The following VSTM5 variants were observed in gnomAD, a reference collection of about 807,000 sequenced individuals.
VSTM5 encodes V-set and transmembrane domain containing 5.
In VSTM5, 21 loss-of-function variants were observed where a neutral mutation model predicts 20.3. The ratio of observed to expected loss-of-function variants is 1.03; its 90% confidence interval spans 0.73 to 1.49. The LOEUF (loss-of-function observed/expected upper bound fraction) is 1.49. Ranked by LOEUF, VSTM5 falls within the 40% of genes most tolerant of loss-of-function variation. The probability of loss-of-function intolerance (pLI) is 0.00; values close to 1 mark genes in which losing one functional copy is unlikely to be tolerated. For missense variants in VSTM5, 219 were observed against 250.0 expected (o/e 0.88, Z 0.84); for synonymous variants, 100 against 102.5 (o/e 0.98, Z 0.14).
intron 1 of VSTM5, among the ~76,000 whole-genome samples, chr11:93,837,598 ACT>A (rs573834503): frequency 2.3e-4 from 35 of 151,860 alleles, no homozygotes; most frequent in African/African-American, 8.0e-4. Context: ...AAAGTCACTG[ACT>A]CTCTGTTCCT....
rs563809721 is a variant in VSTM5, at chr11:93,822,373, C to T, written c.92-1050G>A. The stretch of plus-strand genomic sequence containing the variant: ...CTGGGATTACAGGCATGAGCCAGTG[C>T]ACCCAGCCATCTCCTTTTTTTTTTT... On this transcript the variant is annotated intron_variant, in intron 1 of 3. Transcript: ENST00000409977. Among the ~76,000 whole-genome samples, 224 of 151,564 alleles carry T rather than the reference C, an allele frequency of 1.5e-3. 3 individuals are homozygous for T. The highest frequency in any genetic ancestry group is 4.6e-3 in the African/African-American group (189 of 41,282).
chr11:93,840,562 T>A (rs1011591612), intron 1 of VSTM5, among the ~76,000 whole-genome samples: 1 of 152,230 alleles, frequency 6.6e-6, no homozygotes, highest in African/African-American at 2.4e-5. Context: ...ATGGACTATT[T>A]CTGGCATCAC....
At chr11:93,848,927 C>T (rs1944435398) in intron 1 of VSTM5, among the ~76,000 whole-genome samples, 1 of 152,156 alleles carries the variant, frequency 6.6e-6, no homozygotes, top group Non-Finnish European at 1.5e-5. Context: ...AAAGCCACTG[C>T]AATGACAAAC....
chr11:93,825,714 TTG>T (rs746652709), intron 1 of VSTM5, among the ~76,000 whole-genome samples: 3 of 151,904 alleles, frequency 2.0e-5, no homozygotes, highest in Non-Finnish European at 2.9e-5. Flanking sequence ...TTTGATTTTA[TTG>T]TAAATGGGAC....
intron 1 of VSTM5, among the ~76,000 whole-genome samples, chr11:93,830,540 G>C (rs78240306): frequency 0.046 from 7,014 of 152,252 alleles, 504 homozygotes; most frequent in African/African-American, 0.16. Context: ...TGTAGATGCT[G>C]AAAATATACT....
chr11:93,850,322 A>T, intron 1 of VSTM5, 90 bp downstream of exon 1: 1 of 1,172,980 alleles, frequency 8.5e-7, no homozygotes, highest in Non-Finnish European at 1.2e-6. Context: ...GGCGAGGGCC[A>T]GGGGGGCCGC....
intron 1 of VSTM5, among the ~76,000 whole-genome samples, chr11:93,822,332 C>G (rs1209364114): frequency 6.6e-6 from 1 of 151,814 alleles, no homozygotes; most frequent in African/African-American, 2.4e-5. Flanking sequence ...CTGCCTGCCT[C>G]GGACTCTCCA....
At chr11:93,850,292 G>T in intron 1 of VSTM5, 120 bp downstream of exon 1, 5 of 766,740 alleles carry the variant, frequency 6.5e-6, no homozygotes, top group Non-Finnish European at 9.8e-6. Context: ...CTCACCGCGC[G>T]CCCTCAGCCG....
chr11:93,846,561 T>G (rs1430289277), intron 1 of VSTM5, among the ~76,000 whole-genome samples: 1 of 150,906 alleles, frequency 6.6e-6, no homozygotes, highest in East Asian at 2.0e-4. Flanking sequence ...CTCCCCTGAG[T>G]GAGGGCTAAA....
rs1944255513 is a variant in VSTM5, at chr11:93,828,459, T to G, written c.92-7136A>C. 2.6e-5 allele frequency among the ~76,000 whole-genome samples: 4 copies of G among 152,204 alleles called. 1 individual carries two copies. Among genetic ancestry groups the G allele is most frequent in the African/African-American group, 9.6e-5 (4 of 41,456 alleles). On this transcript the variant is annotated intron_variant, in intron 1 of 3. Transcript: ENST00000409977. The stretch of plus-strand genomic sequence containing the variant: ...TTTCTTACAAATAAATTACAAAGGT[T>G]GTACTTTTCGTTTTTTTAAAAATCG...
intron 1 of VSTM5, among the ~76,000 whole-genome samples, chr11:93,848,992 G>A (rs1029542803): frequency 2.0e-5 from 3 of 152,188 alleles, no homozygotes; most frequent in African/African-American, 7.2e-5. Flanking sequence ...ATCCATAGCT[G>A]CCAGAGGAAC....
intron 1 of VSTM5, among the ~76,000 whole-genome samples, chr11:93,849,774 T>G (rs1483209516): frequency 6.6e-6 from 1 of 152,244 alleles, no homozygotes; most frequent in Non-Finnish European, 1.5e-5. Context: ...GCATCCAGGC[T>G]CACCAGGCTG....
intron 1 of VSTM5, among the ~76,000 whole-genome samples, chr11:93,841,954 G>A (rs1944373640): frequency 6.6e-6 from 1 of 152,190 alleles, no homozygotes; most frequent in Admixed American, 6.5e-5. Flanking sequence ...ATTTAGCTGT[G>A]CCAGTAACAA....
Position 93,820,886 on chromosome 11 carries a change from A to G in VSTM5, c.419-3T>C, listed in dbSNP as rs988172702. 4 of 1,550,772 alleles carry G rather than the reference A, an allele frequency of 2.6e-6. No homozygotes were observed. Among genetic ancestry groups the G allele is most frequent in the African/African-American group, 1.4e-5 (1 of 73,056 alleles). On this transcript the variant is annotated splice_region_variant and splice_polypyrimidine_tract_variant and intron_variant, in intron 2 of 3. Transcript: ENST00000409977. The stretch of plus-strand genomic sequence containing the variant: ...GTGCAGGTCTTCATAGAGGATCTCT[A>G]TGGAGTGAGGGTGAGGGGAGGGGGA...
At position 93,821,199 on chromosome 11, in the gene VSTM5, A is replaced by C; in HGVS notation, c.216T>G (p.Asn72Lys). Reference sequence around the variant, plus strand: ...ACTCCACGATCTTCTGCGTTCCCCAATTGGATGAATATGTCCATTCGATGG... The same window carrying C: ...ACTCCACGATCTTCTGCGTTCCCCACTTGGATGAATATGTCCATTCGATGG... ...VPTIEWTYSS[N>K]WGTQKIVEWK... is the part of the protein sequence containing the mutation. Residue 72 changes from asparagine (N) to lysine (K), a missense_variant, in exon 2 of 4, where the codon AAT becomes AAG. Coordinates refer to ENST00000409977, the MANE Select transcript of VSTM5 (RefSeq NM_001144871.2). The C allele has an allele frequency of 1.3e-6, 2 of 1,552,036 alleles. No individual in the cohort carries two copies. Among genetic ancestry groups the C allele is most frequent in the Non-Finnish European group, 1.7e-6 (2 of 1,147,074 alleles).
intron 1 of VSTM5, among the ~76,000 whole-genome samples, chr11:93,823,606 C>A (rs1236953086): frequency 1.3e-5 from 2 of 152,124 alleles, no homozygotes; most frequent in Non-Finnish European, 2.9e-5. Context: ...TTTTTAGATT[C>A]CACATATAAG....
In VSTM5 at chr11:93,820,334, C is replaced by A; in HGVS notation, c.*235G>T. The A allele has an allele frequency of 1.8e-6, 1 of 542,094 alleles. No individual in the cohort carries two copies. The highest frequency in any genetic ancestry group is 3.3e-6 in the Non-Finnish European group (1 of 302,342). The allele number at this position is 542,094 out of a possible 1,614,324, so 33.6% of individuals were successfully genotyped here. ...GCCCTGATGCTGCAGCCAAGCGAAG[C>A]TCCTGGTTCAAAGCCTCAATCACTC... On this transcript the variant is annotated 3_prime_UTR_variant, in exon 4 of 4. Coordinates refer to ENST00000409977, the MANE Select transcript of VSTM5 (RefSeq NM_001144871.2).
chr11:93,841,281 G>A (rs1420245980), intron 1 of VSTM5, among the ~76,000 whole-genome samples: 1 of 152,190 alleles, frequency 6.6e-6, no homozygotes, highest in Non-Finnish European at 1.5e-5. Context: ...AGAAAACATT[G>A]TAAACTCTGG....
At chr11:93,843,158 G>A (rs917478337) in intron 1 of VSTM5, among the ~76,000 whole-genome samples, 14 of 151,788 alleles carry the variant, frequency 9.2e-5, no homozygotes, top group Non-Finnish European at 2.1e-4. Context: ...TTCTCCTCCA[G>A]AAAAACTATT....
Sources: gnomAD v4.1 joint callset for allele counts (sites outside exome capture counted in the v4.1 genomes callset) on GRCh38, gnomAD v4.1.1 for gene constraint, MANE v1.5 for transcripts, NCBI Gene and HGNC (gene_info 2026-07-23, HGNC 2026-07-21) for gene names.